PXDNL: variants seen among roughly 807,000 people sequenced by gnomAD.
The protein encoded by PXDNL is peroxidasin like.
In PXDNL, 145 loss-of-function variants were observed where a neutral mutation model predicts 150.8. That is an observed-to-expected ratio of 0.96 (90% CI 0.84 to 1.10). The LOEUF (loss-of-function observed/expected upper bound fraction) is 1.10. Ranked by LOEUF, PXDNL falls within the 50% of genes least tolerant of loss-of-function variation. The pLI is 0.00. For synonymous variants in PXDNL, 757 were observed against 725.7 expected, an observed-to-expected ratio of 1.04 and a Z score of -0.69; for missense variants, 2,087 against 1,873.9, an observed-to-expected ratio of 1.11 and a Z score of -2.10.
At chr8:51,506,101 C>T (rs1276190355) in intron 4 of PXDNL, among the ~76,000 whole-genome samples, 1 of 152,198 alleles carries the variant, frequency 6.6e-6, no homozygotes, top group African/African-American at 2.4e-5. Flanking sequence ...ATCTCATTTG[C>T]ATGCTGTGCT....
At chr8:51,608,003 A>AAAGAAAG (rs1813882661) in intron 2 of PXDNL, among the ~76,000 whole-genome samples, 1 of 37,310 alleles carries the variant, frequency 2.7e-5, no homozygotes, top group African/African-American at 1.5e-4. Context: ...GGAAGGAAGG[A>AAAGAAAG]AGAAAGAAAG....
chr8:51,516,362 G>A (rs929799728), intron 4 of PXDNL, among the ~76,000 whole-genome samples: 2 of 152,154 alleles, frequency 1.3e-5, no homozygotes, highest in African/African-American at 4.8e-5. Flanking sequence ...TTTCACTTGG[G>A]CTGTAGAGCA....
chr8:51,543,281 G>T (rs1252990845), intron 4 of PXDNL, among the ~76,000 whole-genome samples: 1 of 152,052 alleles, frequency 6.6e-6, no homozygotes, highest in Non-Finnish European at 1.5e-5. Context: ...AAATTTAGTA[G>T]ATGATGAGAT....
At position 51,361,937 on chromosome 8, in the gene PXDNL, C is replaced by CAAAAAAAAAA. The variant is rs57092440; in HGVS notation, c.3901+9926_3901+9935dup. 4.8e-3 allele frequency among the ~76,000 whole-genome samples: 280 copies of CAAAAAAAAAA among 58,094 alleles called. 1 individual carries two copies. The highest frequency in any genetic ancestry group is 7.0e-3 in the South Asian group (7 of 996). 38.1% of individuals were successfully genotyped at this position (58,094 alleles called of 152,430 possible). ...TGGGCAACAGAGTGAGATTCCATCT[C>CAAAAAAAAAA]AAAAAAAAAAAAAAAAAAAAAAAAA... On this transcript the variant is annotated intron_variant, in intron 19 of 22. Transcript: ENST00000356297.
At chr8:51,713,624 T>C (rs1320177777) in intron 1 of PXDNL, among the ~76,000 whole-genome samples, 1 of 152,206 alleles carries the variant, frequency 6.6e-6, no homozygotes, top group East Asian at 1.9e-4. Context: ...TCATTAAGTG[T>C]AAATTAATAT....
intron 5 of PXDNL, among the ~76,000 whole-genome samples, chr8:51,493,753 CA>C (rs1429739203): frequency 6.6e-6 from 1 of 152,168 alleles, no homozygotes. Flanking sequence ...AAGAAATGAA[CA>C]AAGCCTCCAA....
intron 5 of PXDNL, among the ~76,000 whole-genome samples, chr8:51,485,335 A>C (rs1810704794): frequency 6.6e-6 from 1 of 152,194 alleles, no homozygotes. Flanking sequence ...AGTAGCTAGA[A>C]AAGAAATGAT....
rs770342628 is a variant in PXDNL, at chr8:51,409,284, G to A, written c.2340C>T (p.Pro780=). The A allele has an allele frequency of 4.6e-5, 66 of 1,424,652 alleles. No homozygotes were observed. In the African/African-American group the frequency reaches 6.8e-4, roughly 15 times the overall value. The allele number at this position is 1,424,652 out of a possible 1,614,324, so 88.3% of individuals were successfully genotyped here. A position where few individuals can be genotyped will look rare whatever the true frequency, so the allele number is the denominator to read the frequency against. ...PVGSRQPLPP[P]RLVATVWARA... is the part of the protein sequence containing the mutation. The stretch of plus-strand genomic sequence containing the variant: ...GCGCCCACACTGTGGCGACCAGCCG[G>A]GGCGGCGGGAGGGGCTGGCGGGAGC... Residue 780 remains proline, a synonymous_variant, in exon 17 of 23, where the codon CCC becomes CCT. Coordinates refer to ENST00000356297, the MANE Select transcript of PXDNL (RefSeq NM_144651.5).
At chr8:51,609,551 G>A (rs1256315455) in intron 2 of PXDNL, among the ~76,000 whole-genome samples, 11 of 152,184 alleles carry the variant, frequency 7.2e-5, no homozygotes, top group African/African-American at 2.7e-4. Context: ...AGTGAATTAA[G>A]CCAAAATGGG....
intron 19 of PXDNL, among the ~76,000 whole-genome samples, chr8:51,362,868 G>T (rs116723658): frequency 0.011 from 1,622 of 152,280 alleles, 24 homozygotes; most frequent in African/African-American, 0.037. Flanking sequence ...ATAAAATTTG[G>T]TAAATAAAAC....
At chr8:51,409,704 G>C (rs766408488) in intron 16 of PXDNL, 143 bp from the exon 17 acceptor site, 2 of 562,000 alleles carry the variant, frequency 3.6e-6, no homozygotes, top group South Asian at 2.4e-5. Context: ...AAAACATTTC[G>C]TTAGCTCACA....
At chr8:51,764,463 C>G (rs2037203582) in intron 1 of PXDNL, among the ~76,000 whole-genome samples, 1 of 151,306 alleles carries the variant, frequency 6.6e-6, no homozygotes. Flanking sequence ...ATCTCTCTGG[C>G]CATGACTGCA....
intron 1 of PXDNL, among the ~76,000 whole-genome samples, chr8:51,656,158 C>G (rs1213866354): frequency 1.3e-5 from 2 of 152,102 alleles, no homozygotes; most frequent in African/African-American, 4.8e-5. Flanking sequence ...CAATTAATTT[C>G]TCAAAACAAA....
chr8:51,427,103 A>G (rs563858762), intron 12 of PXDNL, among the ~76,000 whole-genome samples: 2 of 152,222 alleles, frequency 1.3e-5, no homozygotes, highest in Non-Finnish European at 1.5e-5. Context: ...GGTAACATCA[A>G]AATTTATTTG....
Position 51,337,539 on chromosome 8 carries a change from G to C in PXDNL, c.4146+2085C>G, listed in dbSNP as rs190795318. ...AACCATTGCATGCTATCTATCTTAA[G>C]GGTAACCTTCTAGAAGCAATGCCTC... On this transcript the variant is annotated intron_variant, in intron 21 of 22. Transcript: ENST00000356297. Among the ~76,000 whole-genome samples the C allele has an allele frequency of 1.5e-4, 23 of 152,278 alleles. No homozygotes were observed. The East Asian group carries it at 3.9e-3, about 26-fold the overall frequency.
chr8:51,419,059 C>T (rs1039389699), intron 14 of PXDNL, among the ~76,000 whole-genome samples: 1 of 152,070 alleles, frequency 6.6e-6, no homozygotes, highest in African/African-American at 2.4e-5. Flanking sequence ...GAGACAAGGT[C>T]CTCGGGGAAA....
chr8:51,440,057 A>G (rs1002465370), intron 12 of PXDNL, among the ~76,000 whole-genome samples: 1 of 151,838 alleles, frequency 6.6e-6, no homozygotes, highest in Non-Finnish European at 1.5e-5. Flanking sequence ...ATATATGTAT[A>G]TATACACACA....
rs187683385 is a variant in PXDNL, at chr8:51,333,819, A to T, written c.4146+5805T>A. Among the ~76,000 whole-genome samples the T allele has an allele frequency of 7.9e-5, 12 of 152,308 alleles. No individual in the cohort carries two copies. The East Asian group carries it at 1.5e-3, about 20-fold the overall frequency. ...ACACTGGAGCTCCCAAATTTATAAA[A>T]CAATTACTAATAGACCAAAGAAATG... On this transcript the variant is annotated intron_variant, in intron 21 of 22. Coordinates refer to ENST00000356297, the MANE Select transcript of PXDNL (RefSeq NM_144651.5).
At chr8:51,333,926 A>T (rs980781162) in intron 21 of PXDNL, among the ~76,000 whole-genome samples, 1 of 152,186 alleles carries the variant, frequency 6.6e-6, no homozygotes, top group Non-Finnish European at 1.5e-5. Context: ...CAGAAAATCA[A>T]CAAGGAAATA....
Sources: gnomAD v4.1 joint callset for allele counts (sites outside exome capture counted in the v4.1 genomes callset) on GRCh38, gnomAD v4.1.1 for gene constraint, MANE v1.5 for transcripts, NCBI Gene and HGNC (gene_info 2026-07-23, HGNC 2026-07-21) for gene names.